The following ST6GALNAC3 variants were observed in gnomAD, a reference collection of about 807,000 sequenced individuals.
The protein encoded by ST6GALNAC3 is ST6 N-acetylgalactosaminide alpha-2,6-sialyltransferase 3.
Under a neutral mutation model 32.7 loss-of-function variants are expected in ST6GALNAC3, and 25 were observed. The observed-to-expected ratio is 0.76, with a 90% CI of 0.56 to 1.07. The LOEUF (loss-of-function observed/expected upper bound fraction) is 1.07, where lower values mean the gene tolerates loss of function less well. Ranked by LOEUF, ST6GALNAC3 falls within the 50% of genes least tolerant of loss-of-function variation. The probability of loss-of-function intolerance (pLI) is 0.00; values close to 1 mark genes in which losing one functional copy is unlikely to be tolerated. For synonymous variants in ST6GALNAC3, 129 were observed against 133.1 expected, an observed-to-expected ratio of 0.97 and a Z score of 0.21; for missense variants, 355 against 382.4, an observed-to-expected ratio of 0.93 and a Z score of 0.60.
At chr1:76,212,018 G>A (rs1015492502) in intron 1 of ST6GALNAC3, among the ~76,000 whole-genome samples, 8 of 152,032 alleles carry the variant, frequency 5.3e-5, no homozygotes, top group African/African-American at 1.9e-4. Flanking sequence ...ATGAATTTTG[G>A]GGGGCATAAT....
chr1:76,217,792 T>A (rs1254881010), intron 1 of ST6GALNAC3, among the ~76,000 whole-genome samples: 2 of 152,236 alleles, frequency 1.3e-5, no homozygotes, highest in Non-Finnish European at 2.9e-5. Context: ...CCTGAATTAC[T>A]TCACTTAGAA....
At chr1:76,576,868 G>A in intron 3 of ST6GALNAC3, 1 of 1,304,848 alleles carries the variant, frequency 7.7e-7, no homozygotes, top group Non-Finnish European at 1.0e-6. Flanking sequence ...ATGCAGTGTT[G>A]ATTGATCGAA....
chr1:76,541,463 TC>T (rs1195132744), intron 3 of ST6GALNAC3, among the ~76,000 whole-genome samples: 15 of 152,344 alleles, frequency 9.8e-5, no homozygotes, highest in African/African-American at 3.6e-4. Context: ...CCACACCGCA[TC>T]TTCCTCCTAA....
chr1:76,122,778 A>C (rs1648969961), intron 1 of ST6GALNAC3, among the ~76,000 whole-genome samples: 1 of 152,060 alleles, frequency 6.6e-6, no homozygotes, highest in Non-Finnish European at 1.5e-5. Context: ...GGGGTACGTG[A>C]GCTCCAGGAA....
chr1:76,406,240 A>G (rs1436570112), intron 2 of ST6GALNAC3, among the ~76,000 whole-genome samples: 1 of 152,076 alleles, frequency 6.6e-6, no homozygotes, highest in African/African-American at 2.4e-5. Flanking sequence ...GCAAATGGCC[A>G]CTGTGAATTT....
At chr1:76,267,497 C>T (rs558847522) in intron 1 of ST6GALNAC3, among the ~76,000 whole-genome samples, 1 of 152,108 alleles carries the variant, frequency 6.6e-6, no homozygotes, top group East Asian at 1.9e-4. Flanking sequence ...TTTTTTACCA[C>T]GTTTTCTTCA....
chr1:76,410,588 A>G lies in ST6GALNAC3; in HGVS notation c.214-1420A>G, dbSNP rs551591191. Among the ~76,000 whole-genome samples, 8 of 152,186 alleles carry G rather than the reference A, an allele frequency of 5.3e-5. No individual in the cohort carries two copies. In the South Asian group the frequency reaches 1.5e-3, roughly 28 times the overall value. On this transcript the variant is annotated intron_variant, in intron 2 of 4. Coordinates refer to ENST00000328299, the MANE Select transcript of ST6GALNAC3 (RefSeq NM_152996.4). ...TGCACCCAACTTGAATATAAGCTCTATGAGAACAGGAGTTTTTGTTTATAG... is the reference window on the plus strand; with the variant it reads ...TGCACCCAACTTGAATATAAGCTCTGTGAGAACAGGAGTTTTTGTTTATAG...
intron 3 of ST6GALNAC3, among the ~76,000 whole-genome samples, chr1:76,564,048 T>C (rs189642876): frequency 7.9e-5 from 12 of 152,320 alleles, no homozygotes; most frequent in Admixed American, 6.5e-4. Context: ...AAGACAATCA[T>C]GCCAAGACAG....
intron 2 of ST6GALNAC3, among the ~76,000 whole-genome samples, chr1:76,316,268 C>A (rs1175575621): frequency 6.6e-6 from 1 of 151,224 alleles, no homozygotes; most frequent in Admixed American, 6.6e-5. Context: ...TATGCCCAAC[C>A]ATTTCTAGTC....
intron 3 of ST6GALNAC3, among the ~76,000 whole-genome samples, chr1:76,553,161 T>G (rs1222802606): frequency 1.3e-5 from 2 of 152,216 alleles, no homozygotes; most frequent in Non-Finnish European, 2.9e-5. Context: ...TTTCAAGCAA[T>G]TACTTTGATT....
chr1:76,537,884 C>T (rs1222039983), intron 3 of ST6GALNAC3, among the ~76,000 whole-genome samples: 1 of 143,016 alleles, frequency 7.0e-6, no homozygotes, highest in African/African-American at 2.9e-5. Context: ...TAATAGCCTA[C>T]CAACCAAAAA....
chr1:76,087,646 T>C (rs1468103526), intron 1 of ST6GALNAC3, among the ~76,000 whole-genome samples: 3 of 152,196 alleles, frequency 2.0e-5, no homozygotes, highest in African/African-American at 7.2e-5. Context: ...TACATCCACC[T>C]AGGTGAGGAA....
chr1:76,392,273 T>A (rs1001673134), intron 2 of ST6GALNAC3, among the ~76,000 whole-genome samples: 74 of 152,328 alleles, frequency 4.9e-4, no homozygotes, highest in African/African-American at 1.4e-3. Flanking sequence ...GAAATTTTTT[T>A]AAAAATCAGT....
chr1:76,104,313 A>G (rs897158068), intron 1 of ST6GALNAC3, among the ~76,000 whole-genome samples: 23 of 152,218 alleles, frequency 1.5e-4, no homozygotes, highest in African/African-American at 5.3e-4. Flanking sequence ...CACTTGGGGC[A>G]TTAGAATTCT....
chr1:76,380,944 C>A (rs932603026), intron 2 of ST6GALNAC3, among the ~76,000 whole-genome samples: 1 of 152,004 alleles, frequency 6.6e-6, no homozygotes, highest in Non-Finnish European at 1.5e-5. Flanking sequence ...TTAAGAGATG[C>A]AGTGTCCAGA....
At chr1:76,287,824 A>C (rs960016703) in intron 1 of ST6GALNAC3, among the ~76,000 whole-genome samples, 4 of 152,198 alleles carry the variant, frequency 2.6e-5, no homozygotes, top group African/African-American at 9.6e-5. Flanking sequence ...ACAATAGTAC[A>C]GTTAGCAACA....
At chr1:76,178,280 G>A (rs1652969702) in intron 1 of ST6GALNAC3, among the ~76,000 whole-genome samples, 2 of 152,184 alleles carry the variant, frequency 1.3e-5, no homozygotes, top group South Asian at 2.1e-4. Flanking sequence ...TTGAACTTAC[G>A]AGATGGATGA....
At position 76,461,829 on chromosome 1, in the gene ST6GALNAC3, T is replaced by A. The variant is rs140636243; in HGVS notation, c.623+49412T>A. 8.0e-3 allele frequency among the ~76,000 whole-genome samples: 1,225 copies of A among 152,326 alleles called. 10 individuals carry two copies. The highest frequency in any genetic ancestry group is 0.014 in the Non-Finnish European group (967 of 68,028). On this transcript the variant is annotated intron_variant, in intron 3 of 4. Transcript: ENST00000328299. ...CCACAAGGTGATTGTTATTACCCTCTCATTTTACAGATGGAAAGACTGGGG... is the reference window on the plus strand; with the variant it reads ...CCACAAGGTGATTGTTATTACCCTCACATTTTACAGATGGAAAGACTGGGG...
At chr1:76,115,500 T>A (rs1418078858) in intron 1 of ST6GALNAC3, among the ~76,000 whole-genome samples, 1 of 152,256 alleles carries the variant, frequency 6.6e-6, no homozygotes, top group Non-Finnish European at 1.5e-5. Context: ...TAAGCAATGA[T>A]CATTTGGTAA....
Sources: allele counts gnomAD v4.1 joint callset (sites outside exome capture counted in the v4.1 genomes callset), GRCh38; gene constraint gnomAD v4.1.1; transcripts MANE v1.5; gene names NCBI Gene and HGNC (gene_info 2026-07-23, HGNC 2026-07-21).